The following CEP128 variants were observed in gnomAD, a reference collection of about 807,000 sequenced individuals.
CEP128 encodes the protein centrosomal protein 128kDa.
In CEP128, 132 loss-of-function variants were observed where a neutral mutation model predicts 156.7. That is an observed-to-expected ratio of 0.84 (90% CI 0.73 to 0.97). The LOEUF is 0.97. Ranked by LOEUF, CEP128 falls within the 50% of genes least tolerant of loss-of-function variation. The pLI is 0.00. For synonymous variants in CEP128, 469 were observed against 448.9 expected, an observed-to-expected ratio of 1.04 and a Z score of -0.57; for missense variants, 1,252 against 1,281.9, an observed-to-expected ratio of 0.98 and a Z score of 0.36.
intron 8 of CEP128, among the ~76,000 whole-genome samples, chr14:80,876,488 T>C (rs1022885559): frequency 6.6e-6 from 1 of 152,064 alleles, no homozygotes; most frequent in African/African-American, 2.4e-5. Flanking sequence ...TCCCAGCTAC[T>C]TGGGAGGCTG....
intron 19 of CEP128, among the ~76,000 whole-genome samples, chr14:80,721,472 T>C (rs1897814108): frequency 6.6e-6 from 1 of 152,216 alleles, no homozygotes; most frequent in Admixed American, 6.5e-5. Context: ...GCATCTCAGT[T>C]GAAAAACAAA....
At chr14:80,480,497 C>A (rs1391948403) in intron 14 of CEP128, among the ~76,000 whole-genome samples, 1 of 152,236 alleles carries the variant, frequency 6.6e-6, no homozygotes. Context: ...AGTCCCTAGG[C>A]TGCATACAAC....
At position 80,642,813 on chromosome 14, in the gene CEP128, C is replaced by T. The variant is rs375489885; in HGVS notation, c.2807-62390G>A. ...CTCTGTCACCCAGGCTGGAATGCGG[C>T]GGCGCGACCTCAGCTCACTACAACC... On this transcript the variant is annotated intron_variant, in intron 19 of 24. Transcript: ENST00000555265. 1.4e-4 allele frequency among the ~76,000 whole-genome samples: 21 copies of T among 151,206 alleles called. No homozygotes were observed. The South Asian group carries it at 3.6e-3, about 26-fold the overall frequency.
At chr14:80,545,192 C>T (rs746909409) in intron 21 of CEP128, among the ~76,000 whole-genome samples, 1 of 152,230 alleles carries the variant, frequency 6.6e-6, no homozygotes, top group Non-Finnish European at 1.5e-5. Context: ...TGCCACCCTC[C>T]AGTGCAGTGC....
At chr14:80,558,951 C>A (rs1890554339) in intron 21 of CEP128, among the ~76,000 whole-genome samples, 1 of 152,170 alleles carries the variant, frequency 6.6e-6, no homozygotes, top group Admixed American at 6.5e-5. Context: ...TTCTTATCAA[C>A]CAATCCTCTT....
At chr14:80,697,810 A>G (rs1396663377) in intron 19 of CEP128, among the ~76,000 whole-genome samples, 2 of 152,044 alleles carry the variant, frequency 1.3e-5, no homozygotes, top group African/African-American at 4.8e-5. Context: ...ATGGGTTGAT[A>G]AGCCAAATGC....
In CEP128 at chr14:80,576,536, T is replaced by C. The variant is rs947146982; in HGVS notation, c.2856+3838A>G. ...CCATTGTTTGTGATTCCTCTTAAGA[T>C]TGAAAACACTCTCCTCCCTGAGGCT... On this transcript the variant is annotated intron_variant, in intron 20 of 24. Transcript: ENST00000555265. 1.1e-4 allele frequency among the ~76,000 whole-genome samples: 16 copies of C among 152,256 alleles called. No homozygotes were observed. The East Asian group carries it at 1.7e-3, about 17-fold the overall frequency.
chr14:80,481,594 A>C (rs1032068612), intron 14 of CEP128, among the ~76,000 whole-genome samples: 2 of 152,248 alleles, frequency 1.3e-5, no homozygotes, highest in Admixed American at 1.3e-4. Context: ...ATACTTCAAC[A>C]GTATATTCAT....
chr14:80,590,280 A>C (rs571369809), intron 19 of CEP128, among the ~76,000 whole-genome samples: 176 of 152,286 alleles, frequency 1.2e-3, no homozygotes, highest in African/African-American at 4.1e-3. Flanking sequence ...AAGAAGATAA[A>C]TATAAGGAAA....
intron 20 of CEP128, among the ~76,000 whole-genome samples, chr14:80,573,256 C>G (rs1891223834): frequency 2.6e-5 from 4 of 152,108 alleles, no homozygotes; most frequent in Admixed American, 2.6e-4. Flanking sequence ...AATAAACTTT[C>G]TGTCACAGAG....
chr14:80,619,597 G>A (rs1193751695), intron 19 of CEP128, among the ~76,000 whole-genome samples: 3 of 151,694 alleles, frequency 2.0e-5, no homozygotes, highest in Non-Finnish European at 2.9e-5. Context: ...AGCTACTCAG[G>A]AGGCTGAGGC....
intron 19 of CEP128, among the ~76,000 whole-genome samples, chr14:80,635,361 G>A (rs1045099594): frequency 2.3e-4 from 35 of 152,042 alleles, no homozygotes; most frequent in African/African-American, 7.7e-4. Flanking sequence ...TCACTATCAC[G>A]CAGTCCCAAT....
chr14:80,574,738 A>C (rs935396620), intron 20 of CEP128, among the ~76,000 whole-genome samples: 1 of 152,180 alleles, frequency 6.6e-6, no homozygotes, highest in Non-Finnish European at 1.5e-5. Flanking sequence ...AGGCTACTCC[A>C]TAAGTAGCTG....
chr14:80,591,437 TC>T (rs1212816180), intron 19 of CEP128, among the ~76,000 whole-genome samples: 1 of 152,042 alleles, frequency 6.6e-6, no homozygotes, highest in East Asian at 1.9e-4. Context: ...GGTAAGGGAA[TC>T]AATGCAACAA....
At chr14:80,804,473 A>C (rs1175285290) in intron 13 of CEP128, among the ~76,000 whole-genome samples, 1 of 152,324 alleles carries the variant, frequency 6.6e-6, no homozygotes, top group Non-Finnish European at 1.5e-5. Flanking sequence ...TTGAAATATA[A>C]TTCAATTAAT....
intron 14 of CEP128, among the ~76,000 whole-genome samples, chr14:80,482,757 T>C (rs146080881): frequency 9.2e-5 from 14 of 152,288 alleles, no homozygotes; most frequent in African/African-American, 2.4e-4. Context: ...GGGTTGTGAA[T>C]TGCAAAGGCA....
intron 24 of CEP128, among the ~76,000 whole-genome samples, chr14:80,497,883 A>G (rs1887565401): frequency 6.6e-6 from 1 of 152,240 alleles, no homozygotes; most frequent in South Asian, 2.1e-4. Context: ...ACACGCACAC[A>G]CACTTGCACA....
intron 19 of CEP128, among the ~76,000 whole-genome samples, chr14:80,674,200 C>G (rs1290807202): frequency 6.6e-6 from 1 of 151,574 alleles, no homozygotes; most frequent in Non-Finnish European, 1.5e-5. Flanking sequence ...GATCTCTGAA[C>G]CCAAGGAGAT....
intron 12 of CEP128, among the ~76,000 whole-genome samples, chr14:80,831,509 C>T (rs1341625416): frequency 1.3e-5 from 2 of 151,460 alleles, no homozygotes; most frequent in Non-Finnish European, 1.5e-5. Context: ...CAGTTTGATA[C>T]TAAAACTTAA....
Sources: allele counts gnomAD v4.1 joint callset (sites outside exome capture counted in the v4.1 genomes callset), GRCh38; gene constraint gnomAD v4.1.1; transcripts MANE v1.5; gene names NCBI Gene and HGNC (gene_info 2026-07-23, HGNC 2026-07-21).